Variants in AUTS2 observed in about 807,000 individuals in gnomAD.
The protein encoded by AUTS2 is activator of transcription and developmental regulator AUTS2, also known as autism susceptibility gene 2 protein.
A neutral mutation model predicts 112.4 loss-of-function variants in AUTS2; 17 were observed. The ratio of observed to expected loss-of-function variants is 0.15; its 90% CI spans 0.10 to 0.23. The LOEUF (loss-of-function observed/expected upper bound fraction) is 0.23, where lower values mean the gene tolerates loss of function less well. Among genes scored for constraint, AUTS2 ranks in the 10% least tolerant of loss-of-function variants. The pLI is 1.00. For synonymous variants in AUTS2, 751 were observed against 702.7 expected, an observed-to-expected ratio of 1.07 and a Z score of -1.09; for missense variants, 1,510 against 1,701.6, an observed-to-expected ratio of 0.89 and a Z score of 1.98.
intron 1 of AUTS2, among the ~76,000 whole-genome samples, chr7:69,860,157 T>G (rs1792911543): frequency 6.6e-6 from 1 of 151,712 alleles, no homozygotes; most frequent in Non-Finnish European, 1.5e-5. Context: ...TGACCCTAAC[T>G]ATCAGGTTAT....
chr7:70,663,259 G>A (rs1807165787), intron 5 of AUTS2, among the ~76,000 whole-genome samples: 1 of 152,164 alleles, frequency 6.6e-6, no homozygotes, highest in Non-Finnish European at 1.5e-5. Flanking sequence ...GCCAGGCATG[G>A]TGGTACACAC....
At chr7:69,806,938 G>A (rs533458299) in intron 1 of AUTS2, among the ~76,000 whole-genome samples, 1 of 152,222 alleles carries the variant, frequency 6.6e-6, no homozygotes, top group East Asian at 1.9e-4. Flanking sequence ...CTCTTCCTTA[G>A]AGACCTGTTC....
At chr7:70,266,174 T>C (rs1787412738) in intron 4 of AUTS2, among the ~76,000 whole-genome samples, 1 of 152,206 alleles carries the variant, frequency 6.6e-6, no homozygotes, top group South Asian at 2.1e-4. Flanking sequence ...ATAAACAAAA[T>C]GTGGTGTATC....
chr7:69,707,831 C>T (rs1249459058), intron 1 of AUTS2, among the ~76,000 whole-genome samples: 2 of 152,190 alleles, frequency 1.3e-5, no homozygotes, highest in African/African-American at 4.8e-5. Flanking sequence ...TTATTAGGGA[C>T]ATTTTAACCC....
chr7:70,677,066 G>A (rs951057996), intron 5 of AUTS2, among the ~76,000 whole-genome samples: 4 of 151,988 alleles, frequency 2.6e-5, no homozygotes, highest in East Asian at 1.9e-4. Flanking sequence ...CTAAATCAGC[G>A]ATCCACCTGT....
chr7:70,642,979 G>A (rs1035457560), intron 5 of AUTS2, among the ~76,000 whole-genome samples: 3 of 152,050 alleles, frequency 2.0e-5, no homozygotes, highest in Admixed American at 6.6e-5. Flanking sequence ...CACCCTGAAG[G>A]GCATGTGAAA....
At chr7:70,111,600 A>G (rs535848918) in intron 2 of AUTS2, among the ~76,000 whole-genome samples, 26 of 152,312 alleles carry the variant, frequency 1.7e-4, no homozygotes, top group Middle Eastern at 3.4e-3. Flanking sequence ...TTGGTGGGCT[A>G]TACTTTAATA....
chr7:69,761,991 A>G (rs1232870722), intron 1 of AUTS2, among the ~76,000 whole-genome samples: 3 of 152,116 alleles, frequency 2.0e-5, no homozygotes, highest in African/African-American at 7.2e-5. Context: ...TTGGTCTTGT[A>G]TGGTGGTATA....
intron 5 of AUTS2, among the ~76,000 whole-genome samples, chr7:70,697,002 C>T (rs1046188876): frequency 5.3e-5 from 8 of 152,146 alleles, no homozygotes; most frequent in African/African-American, 7.2e-5. Context: ...ACACATATCT[C>T]GAGTTTTTAG....
intron 2 of AUTS2, among the ~76,000 whole-genome samples, chr7:69,922,577 C>T (rs1306360302): frequency 6.6e-6 from 1 of 152,194 alleles, no homozygotes; most frequent in Non-Finnish European, 1.5e-5. Flanking sequence ...GTTTTCACTT[C>T]TCAGGGTGAT....
At chr7:69,935,688 T>G (rs1200197032) in intron 2 of AUTS2, among the ~76,000 whole-genome samples, 1 of 152,178 alleles carries the variant, frequency 6.6e-6, no homozygotes, top group Non-Finnish European at 1.5e-5. Flanking sequence ...GATTTCAGTT[T>G]GGGGCAGACT....
intron 11 of AUTS2, among the ~76,000 whole-genome samples, chr7:70,773,040 C>T (rs191448830): frequency 6.6e-5 from 10 of 152,250 alleles, no homozygotes; most frequent in South Asian, 4.1e-4. Context: ...TCCAGGCCAT[C>T]GTCCTGATTG....
intron 1 of AUTS2, among the ~76,000 whole-genome samples, chr7:69,821,215 T>C (rs1790976775): frequency 6.6e-6 from 1 of 152,108 alleles, no homozygotes; most frequent in African/African-American, 2.4e-5. Context: ...AGTAGAGATA[T>C]GAAGAAATAC....
In AUTS2 at chr7:69,743,466, A is replaced by G. The variant is rs958765963; in HGVS notation, c.309+143504A>G. ...TCACTTATTCCTTAATAACATTGTC[A>G]TGGGTTAGATGGGACATGTATTTTT... On this transcript the variant is annotated intron_variant, in intron 1 of 18. Coordinates refer to ENST00000342771, the MANE Select transcript of AUTS2 (RefSeq NM_015570.4). Among the ~76,000 whole-genome samples the G allele has an allele frequency of 5.3e-5, 8 of 152,160 alleles. 1 individual carries two copies. The highest frequency in any genetic ancestry group is 2.1e-4 in the South Asian group (1 of 4,826).
chr7:70,076,852 T>C (rs1258376636), intron 2 of AUTS2, among the ~76,000 whole-genome samples: 1 of 152,234 alleles, frequency 6.6e-6, no homozygotes, highest in Admixed American at 6.5e-5. Flanking sequence ...AATAGCAGCC[T>C]GTTTGAACAA....
At chr7:69,649,592 T>C (rs1363409841) in intron 1 of AUTS2, among the ~76,000 whole-genome samples, 1 of 151,994 alleles carries the variant, frequency 6.6e-6, no homozygotes, top group East Asian at 1.9e-4. Flanking sequence ...ACTTACAACC[T>C]TTCTCCCTCA....
intron 2 of AUTS2, among the ~76,000 whole-genome samples, chr7:69,991,764 G>T (rs1798750389): frequency 6.6e-6 from 1 of 152,162 alleles, no homozygotes; most frequent in African/African-American, 2.4e-5. Context: ...TCTCAATCCT[G>T]TACCTTAAAA....
intron 4 of AUTS2, among the ~76,000 whole-genome samples, chr7:70,229,761 TC>T (rs1269919091): frequency 1.3e-5 from 2 of 150,128 alleles, no homozygotes; most frequent in Non-Finnish European, 3.0e-5. Context: ...CTTCATTTTT[TC>T]CCCCTGTTCT....
In AUTS2 at chr7:70,111,877, A is replaced by G. The variant is rs139735447; in HGVS notation, c.523-6255A>G. ...TTTTATTTTGCTTGCCATCTCTTTT[A>G]TACTTAAATGTGTTAGAGGTGTATC... On this transcript the variant is annotated intron_variant, in intron 2 of 18. Coordinates refer to ENST00000342771, the MANE Select transcript of AUTS2 (RefSeq NM_015570.4). Among the ~76,000 whole-genome samples, 22 of 152,172 alleles carry G rather than the reference A, an allele frequency of 1.4e-4. No individual in the cohort carries two copies. In the East Asian group the frequency reaches 4.0e-3, roughly 28 times the overall value.
Sources: allele counts gnomAD v4.1 joint callset (sites outside exome capture counted in the v4.1 genomes callset), GRCh38; gene constraint gnomAD v4.1.1; transcripts MANE v1.5; gene names NCBI Gene and HGNC (gene_info 2026-07-23, HGNC 2026-07-21).